Variants in OXCT1 observed in about 807,000 individuals in gnomAD.
OXCT1 encodes 3-oxoacid CoA-transferase 1.
OXCT1 carries 27 observed loss-of-function variants against 69.6 expected under a neutral mutation model. The observed-to-expected ratio is 0.39, with a 90% CI of 0.29 to 0.54. The LOEUF is 0.54. Ranked by LOEUF, OXCT1 falls within the 20% of genes least tolerant of loss-of-function variation. The pLI, the probability that OXCT1 is intolerant of heterozygous loss-of-function variation, is 0.72. For missense variants in OXCT1, 437 were observed against 650.2 expected, an observed-to-expected ratio of 0.67 and a Z score of 3.57; for synonymous variants, 202 against 217.8, an observed-to-expected ratio of 0.93 and a Z score of 0.64.
intron 7 of OXCT1, among the ~76,000 whole-genome samples, chr5:41,819,705 A>G (rs1440809452): frequency 1.3e-5 from 2 of 151,614 alleles, no homozygotes; most frequent in Non-Finnish European, 2.9e-5. Context: ...CTCATTTGCA[A>G]CAAAATTGTT....
At chr5:41,770,934 C>T (rs1744846219) in intron 13 of OXCT1, among the ~76,000 whole-genome samples, 1 of 152,084 alleles carries the variant, frequency 6.6e-6, no homozygotes, top group African/African-American at 2.4e-5. Flanking sequence ...AGAAACTATA[C>T]CAAAACCACA....
chr5:41,822,631 G>A (rs1747611970), intron 7 of OXCT1, among the ~76,000 whole-genome samples: 1 of 151,998 alleles, frequency 6.6e-6, no homozygotes, highest in Non-Finnish European at 1.5e-5. Flanking sequence ...GTGCCACCAT[G>A]CCCGGCTAAT....
chr5:41,822,056 A>T (rs1747580849), intron 7 of OXCT1, among the ~76,000 whole-genome samples: 1 of 151,614 alleles, frequency 6.6e-6, no homozygotes, highest in Non-Finnish European at 1.5e-5. Context: ...TTAGTTCTTT[A>T]CTCCTTCTTG....
Position 41,870,312 on chromosome 5 carries a change from G to T in OXCT1, c.47C>A (p.Ser16Tyr). 1.2e-6 allele frequency: 2 copies of T among 1,614,042 alleles called. No homozygotes were observed. Among genetic ancestry groups the T allele is most frequent in the Non-Finnish European group, 1.7e-6 (2 of 1,179,922 alleles). ...LLSSGLRLCA[S>Y]ARGSGATWYK... is the part of the protein sequence containing the mutation. ...CCAGGTTGCCCCAGATCCGCGGGCA[G>T]AGGCGCAGAGCCGAAGCCCGGAGGA... Residue 16 changes from serine to tyrosine, a missense_variant, in exon 1 of 17, where the codon TCT becomes TAT. Physicochemically the swap from Ser to Tyr is moderately radical, Grantham distance 144. Transcript: ENST00000196371. This position sits in a 1 kb window ranked among gnomAD's most constrained non-coding sequence, Gnocchi z 4.2.
At chr5:41,824,093 G>A (rs141178816) in intron 7 of OXCT1, among the ~76,000 whole-genome samples, 87 of 152,180 alleles carry the variant, frequency 5.7e-4, no homozygotes, top group African/African-American at 1.7e-3. Context: ...TATACCAACC[G>A]TCATTTGTTT....
chr5:41,827,214 A>T (rs779132230), intron 7 of OXCT1, among the ~76,000 whole-genome samples: 4 of 152,190 alleles, frequency 2.6e-5, no homozygotes, highest in African/African-American at 9.7e-5. Flanking sequence ...AAATGCCTAT[A>T]TACCTACCTA....
intron 1 of OXCT1, among the ~76,000 whole-genome samples, chr5:41,864,254 C>G (rs1184390614): frequency 1.3e-5 from 2 of 152,194 alleles, no homozygotes; most frequent in Non-Finnish European, 2.9e-5. Context: ...ACATCTGAAT[C>G]CTGATATACT....
chr5:41,848,750 G>T (rs1270099914), intron 5 of OXCT1, among the ~76,000 whole-genome samples: 1 of 151,944 alleles, frequency 6.6e-6, no homozygotes, highest in Admixed American at 6.6e-5. Flanking sequence ...GCTGAAACTG[G>T]ATCCCTTCCT....
intron 13 of OXCT1, among the ~76,000 whole-genome samples, chr5:41,766,136 C>T (rs560888699): frequency 5.1e-4 from 77 of 152,134 alleles, no homozygotes; most frequent in African/African-American, 1.7e-3. Context: ...TTCTGAAATG[C>T]GTTCTGGCTA....
At chr5:41,753,627 C>T (rs1380345954) in intron 14 of OXCT1, among the ~76,000 whole-genome samples, 1 of 152,064 alleles carries the variant, frequency 6.6e-6, no homozygotes, top group Non-Finnish European at 1.5e-5. Context: ...ATGGGTGTCC[C>T]CAGTGTGTGG....
At chr5:41,745,046 C>T (rs184305514) in intron 15 of OXCT1, among the ~76,000 whole-genome samples, 32 of 152,104 alleles carry the variant, frequency 2.1e-4, no homozygotes, top group South Asian at 1.3e-3. Context: ...CTGCACCAAG[C>T]GGACCTAATA....
intron 14 of OXCT1, among the ~76,000 whole-genome samples, chr5:41,754,698 G>A (rs1027920725): frequency 5.3e-5 from 8 of 151,986 alleles, no homozygotes; most frequent in East Asian, 1.9e-4. Flanking sequence ...TTTATACAGC[G>A]CCTACACTAT....
At chr5:41,803,799 G>A (rs978255194) in intron 9 of OXCT1, among the ~76,000 whole-genome samples, 2 of 152,002 alleles carry the variant, frequency 1.3e-5, no homozygotes, top group African/African-American at 4.8e-5. Context: ...AGTTAAATGA[G>A]GTTGTTGAAT....
intron 10 of OXCT1, among the ~76,000 whole-genome samples, 178 bp downstream of exon 10, chr5:41,802,891 A>G (rs968791024): frequency 1.3e-5 from 2 of 152,136 alleles, no homozygotes; most frequent in Non-Finnish European, 2.9e-5. Context: ...AGATTTCACT[A>G]TGTGGGACGG....
At chr5:41,784,383 C>A (rs1745551034) in intron 13 of OXCT1, among the ~76,000 whole-genome samples, 1 of 152,108 alleles carries the variant, frequency 6.6e-6, no homozygotes, top group Admixed American at 6.5e-5. Context: ...TGCAAATGGT[C>A]CACCTACAAA....
At chr5:41,777,903 A>G (rs1212373221) in intron 13 of OXCT1, among the ~76,000 whole-genome samples, 4 of 152,222 alleles carry the variant, frequency 2.6e-5, no homozygotes, top group African/African-American at 9.6e-5. Flanking sequence ...TTATGGCAGT[A>G]AAAAAGAAAA....
chr5:41,805,504 C>A, intron 9 of OXCT1, 63 bp downstream of exon 9: 1 of 1,062,986 alleles, frequency 9.4e-7, no homozygotes, highest in Non-Finnish European at 1.5e-6. Context: ...GGTCTAATAG[C>A]CTGATCAATA....
At chr5:41,828,166 G>A (rs1747901950) in intron 7 of OXCT1, among the ~76,000 whole-genome samples, 1 of 152,116 alleles carries the variant, frequency 6.6e-6, no homozygotes, top group Non-Finnish European at 1.5e-5. Context: ...GGAGTGCACT[G>A]GCAAAATCTC....
intron 7 of OXCT1, among the ~76,000 whole-genome samples, chr5:41,828,744 T>A (rs1042086706): frequency 1.3e-5 from 2 of 152,194 alleles, no homozygotes; most frequent in African/African-American, 4.8e-5. Context: ...TTATTTCAGT[T>A]CTATGTTGAT....
Sources: allele counts gnomAD v4.1 joint callset (sites outside exome capture counted in the v4.1 genomes callset), GRCh38; gene constraint gnomAD v4.1.1; non-coding constraint Gnocchi (gnomAD v3.1); transcripts MANE v1.5; gene names NCBI Gene and HGNC (gene_info 2026-07-23, HGNC 2026-07-21).